KCNJ6: variants seen among roughly 807,000 people sequenced by gnomAD.
KCNJ6 encodes G protein-activated inward rectifier potassium channel 2.
In KCNJ6, 9 loss-of-function variants were observed where a neutral mutation model predicts 34.2. The ratio of observed to expected loss-of-function variants is 0.26; its 90% CI spans 0.16 to 0.46. KCNJ6 has a LOEUF of 0.46. Among genes scored for constraint, KCNJ6 ranks in the 20% least tolerant of loss-of-function variants. KCNJ6 has a pLI of 1.00. For missense variants in KCNJ6, 236 were observed against 531.3 expected (o/e 0.44, Z 5.46); for synonymous variants, 196 against 207.1 (o/e 0.95, Z 0.46).
chr21:37,714,652 T>A lies in KCNJ6; in HGVS notation c.505A>T (p.Ile169Phe), dbSNP rs2054780067. Reference protein sequence around the residue: ...VITDKCPEGIILLLIQSVLGS... With the variant: ...VITDKCPEGIFLLLIQSVLGS... ...AACACAGATTGGATTAAGAGAAGAA[T>A]AATTCCCTCTGGGCATTTATCTGTG... is the stretch of plus-strand genomic sequence containing the variant. Residue 169 changes from isoleucine (I) to phenylalanine (F), a missense_variant, in exon 3 of 4, where the codon ATT becomes TTT. Ile to Phe is a conservative substitution (Grantham distance 21, BLOSUM62 0). Coordinates refer to ENST00000609713, the MANE Select transcript of KCNJ6 (RefSeq NM_002240.5). The surrounding 1 kb of genome is among the most constrained non-coding windows in gnomAD (Gnocchi z 5.9). The A allele has an allele frequency of 6.2e-7, 1 of 1,613,992 alleles. No homozygotes were observed. Among genetic ancestry groups the A allele is most frequent in the Admixed American group, 1.7e-5 (1 of 60,010 alleles).
At chr21:37,825,053 T>C (rs2055392396) in intron 2 of KCNJ6, among the ~76,000 whole-genome samples, 2 of 152,164 alleles carry the variant, frequency 1.3e-5, no homozygotes, top group African/African-American at 4.8e-5. Flanking sequence ...AATCTCTCTC[T>C]GCTTCCCTCT....
intron 1 of KCNJ6, among the ~76,000 whole-genome samples, chr21:37,910,585 G>A (rs2055862658): frequency 6.6e-6 from 1 of 152,164 alleles, no homozygotes; most frequent in South Asian, 2.1e-4. Context: ...CCTTTTGTAA[G>A]GATTTCATGT....
At chr21:37,670,125 T>C (rs1414922351) in intron 3 of KCNJ6, among the ~76,000 whole-genome samples, 2 of 152,236 alleles carry the variant, frequency 1.3e-5, no homozygotes, top group Non-Finnish European at 2.9e-5. Flanking sequence ...AAGAGGATTC[T>C]TTCCCATTAA....
intron 3 of KCNJ6, among the ~76,000 whole-genome samples, chr21:37,636,196 G>A (rs2054357289): frequency 6.6e-6 from 1 of 152,166 alleles, no homozygotes; most frequent in Non-Finnish European, 1.5e-5. Context: ...CACCCACACA[G>A]GTGAGGGCAG....
intron 1 of KCNJ6, among the ~76,000 whole-genome samples, chr21:37,846,783 C>A (rs2055510881): frequency 6.6e-6 from 1 of 152,080 alleles, no homozygotes; most frequent in Non-Finnish European, 1.5e-5. Context: ...AACTTAGTAT[C>A]CTCAACAGGG....
At chr21:37,787,430 A>C (rs1343430091) in intron 2 of KCNJ6, among the ~76,000 whole-genome samples, 1 of 152,148 alleles carries the variant, frequency 6.6e-6, no homozygotes. Context: ...TTTAATGGGG[A>C]TCTCATAATA....
chr21:37,875,415 G>A (rs144993272), intron 1 of KCNJ6, among the ~76,000 whole-genome samples: 138 of 152,178 alleles, frequency 9.1e-4, no homozygotes, highest in Middle Eastern at 3.4e-3. Context: ...TCTTCCCAGT[G>A]CTTTTTGACC....
At chr21:37,759,803 CCTTTT>C (rs933795821) in intron 2 of KCNJ6, among the ~76,000 whole-genome samples, 6 of 152,206 alleles carry the variant, frequency 3.9e-5, no homozygotes, top group African/African-American at 1.2e-4. Flanking sequence ...TCATTCCTCT[CCTTTT>C]GAGTGTGGGC....
chr21:37,849,428 C>T (rs1356149553), intron 1 of KCNJ6, among the ~76,000 whole-genome samples: 1 of 152,210 alleles, frequency 6.6e-6, no homozygotes, highest in African/African-American at 2.4e-5. Context: ...CAAACCATCT[C>T]TATTTCCAAG....
intron 3 of KCNJ6, among the ~76,000 whole-genome samples, chr21:37,705,090 GA>G (rs2054712690): frequency 1.3e-5 from 2 of 152,202 alleles, no homozygotes; most frequent in Non-Finnish European, 2.9e-5. Flanking sequence ...CTGCAGTCAG[GA>G]AAGGGGAGCC....
intron 1 of KCNJ6, among the ~76,000 whole-genome samples, chr21:37,849,338 A>C (rs2055526137): frequency 6.6e-6 from 1 of 152,186 alleles, no homozygotes; most frequent in Non-Finnish European, 1.5e-5. Flanking sequence ...CTCTTATACC[A>C]GGGTGATCTT....
intron 3 of KCNJ6, among the ~76,000 whole-genome samples, chr21:37,670,704 G>A (rs2054537454): frequency 6.6e-6 from 1 of 152,202 alleles, no homozygotes; most frequent in Non-Finnish European, 1.5e-5. Context: ...GGCAGAGGCT[G>A]CAGTCACCCA....
chr21:37,758,914 C>T (rs895580914), intron 2 of KCNJ6, among the ~76,000 whole-genome samples: 15 of 152,066 alleles, frequency 9.9e-5, no homozygotes, highest in African/African-American at 2.2e-4. Context: ...TACAGGTGTG[C>T]GCCACCGTGC....
chr21:37,630,876 T>C (rs1278199611), intron 3 of KCNJ6, among the ~76,000 whole-genome samples: 4 of 152,228 alleles, frequency 2.6e-5, no homozygotes, highest in Non-Finnish European at 5.9e-5. Context: ...TTTGTGACAG[T>C]GCTTGTCCTC....
intron 2 of KCNJ6, among the ~76,000 whole-genome samples, chr21:37,774,553 A>G (rs2055133072): frequency 8.5e-6 from 1 of 118,294 alleles, no homozygotes. Context: ...TCCTGTGTCC[A>G]TGTGTTCTCA....
chr21:37,685,911 A>G (rs888799260), intron 3 of KCNJ6, among the ~76,000 whole-genome samples: 1 of 152,038 alleles, frequency 6.6e-6, no homozygotes, highest in African/African-American at 2.4e-5. Context: ...AAAGCAGTTG[A>G]CCATATACAA....
rs1394756774 is a variant in KCNJ6 at position 37,623,995 on chromosome 21, C to T, written c.*1164G>A. Reference sequence around the variant, plus strand: ...CCCAAACCATCTTCTGCTAACTTACCATGTCTCATTGTAAGAGTGTAGAGA... The same window carrying T: ...CCCAAACCATCTTCTGCTAACTTACTATGTCTCATTGTAAGAGTGTAGAGA... On this transcript the variant is annotated 3_prime_UTR_variant, in exon 4 of 4. Transcript: ENST00000609713. 1 of 152,180 alleles carries T rather than the reference C, an allele frequency of 6.6e-6. No individual in the cohort carries two copies. Among genetic ancestry groups the T allele is most frequent in the Admixed American group, 6.5e-5 (1 of 15,284 alleles). The allele number at this position is 152,180 out of a possible 1,614,324, so 9.4% of individuals were successfully genotyped here.
chr21:37,909,839 T>C (rs936961889), intron 1 of KCNJ6, among the ~76,000 whole-genome samples: 2 of 152,234 alleles, frequency 1.3e-5, no homozygotes, highest in African/African-American at 4.8e-5. Context: ...CTCCAATTAT[T>C]CTCTTCCCTC....
intron 3 of KCNJ6, among the ~76,000 whole-genome samples, chr21:37,655,225 GAGAGAGAGAGAGAGAGAGAGAGAGA>G (rs2054456525): frequency 0.025 from 45 of 1,828 alleles, no homozygotes; most frequent in East Asian, 0.16. Flanking sequence ...GTGTGTGTGT[GAGAGAGAGAGAGAGAGAGAGAGAGA>G]GAGAGAGAGA....
Sources: gnomAD v4.1 joint callset for allele counts (sites outside exome capture counted in the v4.1 genomes callset) on GRCh38, gnomAD v4.1.1 for gene constraint, Gnocchi (gnomAD v3.1) non-coding constraint, MANE v1.5 for transcripts, NCBI Gene and HGNC (gene_info 2026-07-23, HGNC 2026-07-21) for gene names.